The following OPCML variants were observed in gnomAD, a reference collection of about 807,000 sequenced individuals.
OPCML encodes the protein opioid-binding protein/cell adhesion molecule.
A neutral mutation model predicts 37.8 loss-of-function variants in OPCML; 13 were observed. The observed-to-expected ratio is 0.34, with a 90% CI of 0.22 to 0.55. The LOEUF is 0.55. Among genes scored for constraint, OPCML ranks in the 20% least tolerant of loss-of-function variants. OPCML has a pLI of 0.91. For missense variants in OPCML, 341 were observed against 435.6 expected (o/e 0.78, Z 1.93); for synonymous variants, 176 against 168.8 (o/e 1.04, Z -0.33).
At chr11:132,815,598 T>C (rs1939587119) in intron 2 of OPCML, among the ~76,000 whole-genome samples, 1 of 152,128 alleles carries the variant, frequency 6.6e-6, no homozygotes, top group Non-Finnish European at 1.5e-5. Context: ...GAAGTGACAG[T>C]GACAGTTAAG....
At position 133,081,917 on chromosome 11, in the gene OPCML, C is replaced by G. The variant is rs1419560272; in HGVS notation, c.62-138907G>C. Among the ~76,000 whole-genome samples, 4 of 151,802 alleles carry G rather than the reference C, an allele frequency of 2.6e-5. No homozygotes were observed. In the East Asian group the frequency reaches 7.9e-4, roughly 30 times the overall value. ...CGTGTGCTGTGAGGCCCTTTCTCTT[C>G]CAGGCATCTGTCCCTTGCATCCCAA... On this transcript the variant is annotated intron_variant, in intron 1 of 7. Transcript: ENST00000524381.
intron 2 of OPCML, among the ~76,000 whole-genome samples, chr11:132,686,815 C>T (rs1012938911): frequency 1.3e-5 from 2 of 152,138 alleles, no homozygotes; most frequent in Non-Finnish European, 2.9e-5. Context: ...CCCACAGATC[C>T]CCCAGGAGTG....
At chr11:133,483,674 TGATAG>T (rs1331592189) in intron 1 of OPCML, among the ~76,000 whole-genome samples, 1 of 146,020 alleles carries the variant, frequency 6.8e-6, no homozygotes, top group Non-Finnish European at 1.5e-5. Flanking sequence ...GATAAATAGA[TGATAG>T]ATAGATAGAT....
chr11:133,298,707 A>T (rs1033993838), intron 1 of OPCML: 11 of 152,308 alleles, frequency 7.2e-5, no homozygotes, highest in African/African-American at 2.6e-4. Context: ...TGGCCTGCTC[A>T]CCAGCAACAA....
intron 4 of OPCML, among the ~76,000 whole-genome samples, chr11:132,490,425 G>A (rs1449146291): frequency 6.6e-6 from 1 of 151,910 alleles, no homozygotes; most frequent in Non-Finnish European, 1.5e-5. Flanking sequence ...AGAGCTCCAG[G>A]GCTCAGGCCT....
intron 2 of OPCML, among the ~76,000 whole-genome samples, chr11:132,897,163 G>A (rs1384615164): frequency 5.3e-5 from 8 of 152,318 alleles, no homozygotes; most frequent in South Asian, 4.1e-4. Context: ...GGCAGATAGC[G>A]ATGCTGTTTG....
intron 2 of OPCML, among the ~76,000 whole-genome samples, chr11:132,711,480 A>G (rs1944260469): frequency 6.6e-6 from 1 of 152,186 alleles, no homozygotes; most frequent in African/African-American, 2.4e-5. Flanking sequence ...CGTGATTTTG[A>G]TTCTCACACT....
chr11:133,279,068 C>A (rs973806366), intron 1 of OPCML, among the ~76,000 whole-genome samples: 3 of 152,180 alleles, frequency 2.0e-5, no homozygotes, highest in African/African-American at 7.2e-5. Context: ...GTTCTCCAGA[C>A]CTTGCCACTA....
chr11:132,892,100 C>A (rs1305380311), intron 2 of OPCML, among the ~76,000 whole-genome samples: 1 of 152,194 alleles, frequency 6.6e-6, no homozygotes, highest in East Asian at 1.9e-4. Context: ...AAGGACTTCT[C>A]CTCCATCGCT....
intron 1 of OPCML, among the ~76,000 whole-genome samples, chr11:133,273,146 C>T (rs572090292): frequency 6.6e-5 from 10 of 152,230 alleles, no homozygotes; most frequent in Non-Finnish European, 1.0e-4. Context: ...CTAGGACGCA[C>T]GACTATCCTA....
At chr11:133,019,474 T>C (rs953184066) in intron 1 of OPCML, among the ~76,000 whole-genome samples, 28 of 152,172 alleles carry the variant, frequency 1.8e-4, no homozygotes, top group Non-Finnish European at 2.8e-4. Flanking sequence ...AAAGGTTAAT[T>C]AAGTGCAGCT....
intron 1 of OPCML, among the ~76,000 whole-genome samples, chr11:133,417,274 T>C (rs1306390397): frequency 1.3e-5 from 2 of 152,176 alleles, no homozygotes; most frequent in South Asian, 2.1e-4. Flanking sequence ...GGTGCTGCAA[T>C]TGGCATGTGT....
chr11:133,345,759 G>A (rs1375270575), intron 1 of OPCML, among the ~76,000 whole-genome samples: 1 of 152,126 alleles, frequency 6.6e-6, no homozygotes, highest in Non-Finnish European at 1.5e-5. Context: ...TTCTTCTAGT[G>A]GTATCTTCTA....
At chr11:132,508,483 G>T (rs1648917437) in intron 4 of OPCML, among the ~76,000 whole-genome samples, 1 of 147,600 alleles carries the variant, frequency 6.8e-6, no homozygotes, top group African/African-American at 2.5e-5. Flanking sequence ...TGGACAAAAT[G>T]GAAGATCTAG....
intron 2 of OPCML, among the ~76,000 whole-genome samples, chr11:132,804,674 T>A (rs1938892402): frequency 6.6e-6 from 1 of 152,128 alleles, no homozygotes; most frequent in African/African-American, 2.4e-5. Context: ...TATGCTAAAC[T>A]CTCTCTAGAA....
At chr11:133,246,337 C>G (rs540512234) in intron 1 of OPCML, among the ~76,000 whole-genome samples, 1 of 152,272 alleles carries the variant, frequency 6.6e-6, no homozygotes, top group African/African-American at 2.4e-5. Flanking sequence ...TAGAGAACAT[C>G]ATGATAACCA....
intron 2 of OPCML, among the ~76,000 whole-genome samples, chr11:132,856,050 C>T (rs183704604): frequency 8.5e-4 from 129 of 152,262 alleles, no homozygotes; most frequent in Admixed American, 1.8e-3. Flanking sequence ...AGGAGGAGTG[C>T]TTTGACTATA....
In OPCML at chr11:132,532,965, C is replaced by T. The variant is rs1038169132; in HGVS notation, c.380-3779G>A. 9.2e-5 allele frequency among the ~76,000 whole-genome samples: 14 copies of T among 152,224 alleles called. No homozygotes were observed. In the South Asian group the frequency reaches 1.7e-3, roughly 18 times the overall value. On this transcript the variant is annotated intron_variant, in intron 3 of 7. Coordinates refer to ENST00000524381, the MANE Select transcript of OPCML (RefSeq NM_001012393.5). Reference sequence around the variant, plus strand: ...TGGGGATAGCTTTTAAGTGCTTCTCCGTATTTTGGCAGATCTTTGTTTAAT... The same window carrying T: ...TGGGGATAGCTTTTAAGTGCTTCTCTGTATTTTGGCAGATCTTTGTTTAAT...
chr11:133,084,028 C>T (rs1948781523), intron 1 of OPCML, among the ~76,000 whole-genome samples: 1 of 152,162 alleles, frequency 6.6e-6, no homozygotes, highest in African/African-American at 2.4e-5. Context: ...GTCTCCCTAA[C>T]TAGATGGCAA....
Sources: allele counts gnomAD v4.1 joint callset (sites outside exome capture counted in the v4.1 genomes callset), GRCh38; gene constraint gnomAD v4.1.1; transcripts MANE v1.5; gene names NCBI Gene and HGNC (gene_info 2026-07-23, HGNC 2026-07-21).